RYR2: variants seen among roughly 807,000 people sequenced by gnomAD.
RYR2 encodes the protein ryanodine receptor 2, also known as cardiac muscle ryanodine receptor-calcium release channel.
Under a neutral mutation model 601.1 loss-of-function variants are expected in RYR2, and 227 were observed. The ratio of observed to expected loss-of-function variants is 0.38; its 90% CI spans 0.34 to 0.42. The LOEUF (loss-of-function observed/expected upper bound fraction) is 0.42. Among genes scored for constraint, RYR2 ranks in the 10% least tolerant of loss-of-function variants. The probability of loss-of-function intolerance (pLI) is 1.00; values close to 1 mark genes in which losing one functional copy is unlikely to be tolerated. For missense variants in RYR2, 4,646 were observed against 6,156.5 expected (o/e 0.75, Z 8.21); for synonymous variants, 2,223 against 2,175.1 (o/e 1.02, Z -0.61).
chr1:237,190,865 C>T (rs1200424246), intron 1 of RYR2, among the ~76,000 whole-genome samples: 7 of 152,018 alleles, frequency 4.6e-5, no homozygotes, highest in Admixed American at 4.6e-4. Context: ...ATTCTGTAAG[C>T]TGCGTTTTTA....
At chr1:237,496,359 G>A (rs1391597283) in intron 19 of RYR2, among the ~76,000 whole-genome samples, 152 bp from the exon 20 acceptor site, 2 of 152,228 alleles carry the variant, frequency 1.3e-5, no homozygotes, top group East Asian at 3.8e-4. Context: ...AATAAACTAT[G>A]ATTGCACTAC....
chr1:237,090,939 A>G (rs936883868), intron 1 of RYR2, among the ~76,000 whole-genome samples: 1 of 152,214 alleles, frequency 6.6e-6, no homozygotes, highest in African/African-American at 2.4e-5. Flanking sequence ...TGCATTACAA[A>G]ATATAGTAAT....
At chr1:237,438,847 C>G (rs1707642374) in intron 12 of RYR2, among the ~76,000 whole-genome samples, 1 of 152,212 alleles carries the variant, frequency 6.6e-6, no homozygotes, top group African/African-American at 2.4e-5. Context: ...TTTCTTCCTG[C>G]TTTTGGTCCA....
chr1:237,577,546 G>A (rs1356634194), intron 29 of RYR2, among the ~76,000 whole-genome samples: 1 of 61,844 alleles, frequency 1.6e-5, no homozygotes, highest in African/African-American at 4.7e-5. Context: ...GCGTGTGTGT[G>A]TGTTTGAGAG....
intron 17 of RYR2, among the ~76,000 whole-genome samples, chr1:237,481,120 A>ACATG (rs1662034539): frequency 6.8e-6 from 1 of 147,860 alleles, no homozygotes; most frequent in African/African-American, 2.5e-5. Context: ...ATATATATAT[A>ACATG]TATATACACA....
intron 1 of RYR2, among the ~76,000 whole-genome samples, chr1:237,125,265 G>T (rs1252795196): frequency 6.6e-6 from 1 of 152,092 alleles, no homozygotes; most frequent in South Asian, 2.1e-4. Context: ...TCGGAGGTTC[G>T]GTGGGTTGGG....
At chr1:237,248,282 G>A (rs1474463298) in intron 1 of RYR2, among the ~76,000 whole-genome samples, 84 of 13,728 alleles carry the variant, frequency 6.1e-3, no homozygotes, top group Admixed American at 9.3e-3. Flanking sequence ...CCGCAACCCC[G>A]CCCCCCCCCC....
At chr1:237,123,537 C>T (rs542867509) in intron 1 of RYR2, among the ~76,000 whole-genome samples, 45 of 151,850 alleles carry the variant, frequency 3.0e-4, no homozygotes, top group Non-Finnish European at 4.9e-4. Context: ...CAGTGAGCTA[C>T]GACTGTGCCA....
chr1:237,564,821 G>C (rs1671804660), intron 27 of RYR2, among the ~76,000 whole-genome samples: 1 of 152,134 alleles, frequency 6.6e-6, no homozygotes, highest in Non-Finnish European at 1.5e-5. Context: ...TATCAAAAAA[G>C]CAGTTATTGA....
At chr1:237,119,237 C>T (rs1478766462) in intron 1 of RYR2, among the ~76,000 whole-genome samples, 1 of 152,126 alleles carries the variant, frequency 6.6e-6, no homozygotes, top group Admixed American at 6.5e-5. Flanking sequence ...GGGGAGTAGA[C>T]AGCCATCTGC....
At chr1:237,706,801 C>G in intron 67 of RYR2, 148 bp from the exon 68 acceptor site, 7 of 661,550 alleles carry the variant, frequency 1.1e-5, no homozygotes, top group South Asian at 3.6e-5. Flanking sequence ...AAATAGCTAC[C>G]TTGAAACACA....
intron 66 of RYR2, among the ~76,000 whole-genome samples, chr1:237,703,326 T>C (rs150901221): frequency 5.4e-4 from 82 of 151,898 alleles, no homozygotes; most frequent in African/African-American, 1.9e-3. Context: ...AGTGAAAATA[T>C]AGGATCCCTA....
At chr1:237,348,386 T>C (rs977057824) in intron 3 of RYR2, among the ~76,000 whole-genome samples, 11 of 152,184 alleles carry the variant, frequency 7.2e-5, no homozygotes, top group Admixed American at 3.3e-4. Flanking sequence ...ACAATACTAA[T>C]AATGTCTCAT....
intron 24 of RYR2, among the ~76,000 whole-genome samples, chr1:237,520,048 A>G (rs1430689867): frequency 6.6e-6 from 1 of 152,084 alleles, no homozygotes; most frequent in East Asian, 1.9e-4. Flanking sequence ...TCAATGAGGT[A>G]TTTTAATTTT....
chr1:237,568,475 A>G (rs1287393566), intron 28 of RYR2, among the ~76,000 whole-genome samples: 2 of 152,232 alleles, frequency 1.3e-5, no homozygotes, highest in Non-Finnish European at 2.9e-5. Flanking sequence ...AAATGTACTT[A>G]CAATATGAGA....
intron 1 of RYR2, among the ~76,000 whole-genome samples, chr1:237,168,936 T>A (rs974389213): frequency 5.3e-5 from 8 of 152,216 alleles, no homozygotes; most frequent in African/African-American, 1.9e-4. Context: ...GTGCTCTGTT[T>A]TTGTTTTATT....
intron 33 of RYR2, among the ~76,000 whole-genome samples, chr1:237,593,844 G>A (rs1675509805): frequency 6.6e-6 from 1 of 152,176 alleles, no homozygotes; most frequent in Non-Finnish European, 1.5e-5. Flanking sequence ...TGTACAGTAA[G>A]AGCAGTGCAG....
At chr1:237,264,736 C>T (rs569218227) in intron 1 of RYR2, among the ~76,000 whole-genome samples, 205 of 151,374 alleles carry the variant, frequency 1.4e-3, no homozygotes, top group African/African-American at 4.7e-3. Context: ...GCTCTTGTCA[C>T]CCAGGATGGA....
At chr1:237,311,348 C>T (rs1014873197) in intron 2 of RYR2, among the ~76,000 whole-genome samples, 11 of 152,072 alleles carry the variant, frequency 7.2e-5, no homozygotes, top group African/African-American at 2.4e-4. Context: ...CAAATCTTAT[C>T]TTATGGGGTC....
Sources: gnomAD v4.1 joint callset for allele counts (sites outside exome capture counted in the v4.1 genomes callset) on GRCh38, gnomAD v4.1.1 for gene constraint, MANE v1.5 for transcripts, NCBI Gene and HGNC (gene_info 2026-07-23, HGNC 2026-07-21) for gene names.